MAPK10: variants seen among roughly 807,000 people sequenced by gnomAD.
MAPK10 encodes the protein JNK3 alpha protein kinase.
MAPK10 carries 25 observed loss-of-function variants against 59.3 expected under a neutral mutation model. That is an observed-to-expected ratio of 0.42 (90% CI 0.31 to 0.59). The LOEUF is 0.59. Ranked by LOEUF, MAPK10 falls within the 20% of genes least tolerant of loss-of-function variation. The pLI is 0.15. For missense variants in MAPK10, 351 were observed against 568.9 expected, an observed-to-expected ratio of 0.62 and a Z score of 3.90; for synonymous variants, 190 against 200.5, an observed-to-expected ratio of 0.95 and a Z score of 0.44.
intron 1 of MAPK10, among the ~76,000 whole-genome samples, chr4:86,466,077 ACTTTATGACAGTTACAC>A (rs766698897): frequency 6.6e-6 from 1 of 152,232 alleles, no homozygotes; most frequent in Non-Finnish European, 1.5e-5. Context: ...GGATGTAATC[ACTTTATGACAGTTACAC>A]ATGCTTTCTG....
At chr4:86,346,458 G>A (rs933965504) in intron 2 of MAPK10, among the ~76,000 whole-genome samples, 1 of 152,156 alleles carries the variant, frequency 6.6e-6, no homozygotes, top group Non-Finnish European at 1.5e-5. Flanking sequence ...TGTGTGTTCA[G>A]TACAGACATA....
intron 2 of MAPK10, 82 bp from the exon 3 acceptor site, chr4:86,194,489 A>G: frequency 1.2e-6 from 1 of 826,756 alleles, no homozygotes; most frequent in Non-Finnish European, 2.1e-6. Flanking sequence ...GCATAATTTG[A>G]GTTATATGCA....
chr4:86,406,424 T>C (rs1335846766), intron 1 of MAPK10, among the ~76,000 whole-genome samples: 2 of 152,196 alleles, frequency 1.3e-5, no homozygotes, highest in Admixed American at 6.5e-5. Context: ...TTAAATACTC[T>C]GTACAATAGG....
chr4:86,112,773 AT>A (rs1284978704), intron 4 of MAPK10, among the ~76,000 whole-genome samples: 1 of 151,962 alleles, frequency 6.6e-6, no homozygotes, highest in Non-Finnish European at 1.5e-5. Flanking sequence ...ATCTTTGTTA[AT>A]TTTTTGTCTC....
intron 1 of MAPK10, among the ~76,000 whole-genome samples, chr4:86,479,192 G>C (rs1753373224): frequency 6.6e-6 from 1 of 152,054 alleles, no homozygotes; most frequent in South Asian, 2.1e-4. Flanking sequence ...CCTCTATACA[G>C]TCCTGTAAGG....
chr4:86,135,498 A>C (rs952209373), intron 4 of MAPK10, among the ~76,000 whole-genome samples: 2 of 152,146 alleles, frequency 1.3e-5, no homozygotes, highest in Admixed American at 6.5e-5. Flanking sequence ...AAGGAAAACT[A>C]ACAAACAGAA....
At chr4:86,330,532 C>T (rs2096128246) in intron 2 of MAPK10, among the ~76,000 whole-genome samples, 1 of 152,108 alleles carries the variant, frequency 6.6e-6, no homozygotes, top group Non-Finnish European at 1.5e-5. Flanking sequence ...TACCCCCATG[C>T]TGCTGTTCTC....
intron 1 of MAPK10, among the ~76,000 whole-genome samples, chr4:86,559,470 G>A (rs1760508149): frequency 6.6e-6 from 1 of 152,028 alleles, no homozygotes; most frequent in Admixed American, 6.6e-5. Flanking sequence ...CCAGCAAATA[G>A]TCTCTCTTTC....
At chr4:86,547,953 T>C (rs1393853552) in intron 1 of MAPK10, among the ~76,000 whole-genome samples, 2 of 152,114 alleles carry the variant, frequency 1.3e-5, no homozygotes, top group East Asian at 3.9e-4. Flanking sequence ...AACAGACCAC[T>C]CGGCTCTACC....
At chr4:86,418,902 A>G (rs1412179540) in intron 1 of MAPK10, among the ~76,000 whole-genome samples, 1 of 152,200 alleles carries the variant, frequency 6.6e-6, no homozygotes, top group Non-Finnish European at 1.5e-5. Flanking sequence ...CCACTATTCT[A>G]AGTGAAGTAA....
At chr4:86,091,552 T>C in intron 9 of MAPK10, 1 of 147,068 alleles carries the variant, frequency 6.8e-6, no homozygotes, top group Middle Eastern at 3.4e-3. Flanking sequence ...TTTTTTTTTT[T>C]TTTTTTTTTT....
chr4:86,354,672 G>T, intron 1 of MAPK10, 28 bp from the exon 2 acceptor site: 1 of 914,514 alleles, frequency 1.1e-6, no homozygotes, highest in Non-Finnish European at 1.4e-6. Flanking sequence ...AAACAGATGA[G>T]TTTGATTTTA....
At chr4:86,169,505 GT>G (rs1354443180) in intron 3 of MAPK10, among the ~76,000 whole-genome samples, 1 of 152,100 alleles carries the variant, frequency 6.6e-6, no homozygotes, top group East Asian at 1.9e-4. Flanking sequence ...AAGAAGGGAA[GT>G]TTAGAGAAAA....
At chr4:86,191,685 A>G (rs1190683395) in intron 3 of MAPK10, 1 of 148,880 alleles carries the variant, frequency 6.7e-6, no homozygotes, top group East Asian at 2.0e-4. Context: ...AATACAGCAC[A>G]CCGACGGGTC....
Position 86,246,228 on chromosome 4 carries a change from G to A in MAPK10, c.-6-51821C>T, listed in dbSNP as rs774625705. Reference sequence around the variant, plus strand: ...GGACAGATCACGAGGTCAGGAGATCGAGACTATCCTGGCTAACAAGGTGAA... The same window carrying A: ...GGACAGATCACGAGGTCAGGAGATCAAGACTATCCTGGCTAACAAGGTGAA... On this transcript the variant is annotated intron_variant, in intron 2 of 13. Transcript: ENST00000641462. 2.0e-5 allele frequency among the ~76,000 whole-genome samples: 3 copies of A among 152,136 alleles called. 1 individual carries two copies. The highest frequency in any genetic ancestry group is 7.2e-5 in the African/African-American group (3 of 41,434).
At chr4:86,069,049 T>C (rs991846008) in intron 9 of MAPK10, among the ~76,000 whole-genome samples, 2 of 152,150 alleles carry the variant, frequency 1.3e-5, no homozygotes, top group Non-Finnish European at 2.9e-5. Context: ...TAAGGTAAGG[T>C]GTGACAGTTA....
At chr4:86,180,035 A>C (rs1445694659) in intron 3 of MAPK10, among the ~76,000 whole-genome samples, 1 of 152,142 alleles carries the variant, frequency 6.6e-6, no homozygotes, top group Non-Finnish European at 1.5e-5. Flanking sequence ...CAATCAGCAA[A>C]GTGAAAATAC....
chr4:86,433,096 G>A (rs1054130661), intron 1 of MAPK10, among the ~76,000 whole-genome samples: 17 of 152,170 alleles, frequency 1.1e-4, no homozygotes, highest in Non-Finnish European at 2.2e-4. Flanking sequence ...ATTGTAACCA[G>A]CCAGAATTCT....
intron 2 of MAPK10, among the ~76,000 whole-genome samples, chr4:86,224,306 G>A (rs986174731): frequency 2.0e-5 from 3 of 152,140 alleles, no homozygotes; most frequent in South Asian, 2.1e-4. Context: ...GACAAATGCC[G>A]GGGAAGAAAA....
Sources: gnomAD v4.1 joint callset for allele counts (sites outside exome capture counted in the v4.1 genomes callset) on GRCh38, gnomAD v4.1.1 for gene constraint, MANE v1.5 for transcripts, NCBI Gene and HGNC (gene_info 2026-07-23, HGNC 2026-07-21) for gene names.